MZT2A: variants seen among roughly 807,000 people sequenced by gnomAD.
MZT2A encodes mitotic spindle organizing protein 2A.
MZT2A carries 8 observed loss-of-function variants against 12.4 expected under a neutral mutation model. The ratio of observed to expected loss-of-function variants is 0.64; its 90% confidence interval spans 0.38 to 1.16. The LOEUF is 1.16. MZT2A is among the 50% of genes most tolerant of loss of function. The pLI is 0.01. For synonymous variants in MZT2A, 88 were observed against 107.5 expected, an observed-to-expected ratio of 0.82 and a Z score of 1.12; for missense variants, 181 against 223.6, an observed-to-expected ratio of 0.81 and a Z score of 1.22.
At chr2:131,486,601 A>T (rs1178877169) in intron 2 of MZT2A, 1 of 151,576 alleles carries the variant, frequency 6.6e-6, no homozygotes, top group African/African-American at 2.4e-5. Flanking sequence ...AAGAGCAAAT[A>T]ATGCTTTTTT....
chr2:131,478,099 T>G, intron 2 of MZT2A: 2 of 1,561,258 alleles, frequency 1.3e-6, no homozygotes, highest in African/African-American at 2.7e-5. Context: ...TAGAATATTT[T>G]GCATGCCATA....
chr2:131,472,099 A>G (rs1223736044), exon 3 of MZT2A: 12 of 1,290,540 alleles, frequency 9.3e-6, no homozygotes, highest in Non-Finnish European at 9.1e-6. Context: ...CTGCCACACC[A>G]TGCGGTGCTG....
At chr2:131,487,835 C>T (rs1281383605) in intron 2 of MZT2A, among the ~76,000 whole-genome samples, 1 of 152,178 alleles carries the variant, frequency 6.6e-6, no homozygotes, top group African/African-American at 2.4e-5. Flanking sequence ...GGTGCAGTCA[C>T]AGCTCACTGC....
At chr2:131,492,060 C>G in intron 1 of MZT2A, 36 bp from the exon 2 acceptor site, 2 of 1,558,782 alleles carry the variant, frequency 1.3e-6, no homozygotes, top group East Asian at 4.8e-5. Flanking sequence ...TGAGCCCTCT[C>G]CGCCCGGCGC....
At chr2:131,479,346 C>T, downstream of MZT2A, 1 of 1,614,122 alleles carries the variant, frequency 6.2e-7, no homozygotes, top group South Asian at 1.1e-5. Flanking sequence ...GCTCTTCCAC[C>T]CGGAGCAGCT....
downstream of MZT2A, among the ~76,000 whole-genome samples, chr2:131,483,603 T>C (rs1678931131): frequency 6.6e-6 from 1 of 152,080 alleles, no homozygotes; most frequent in Non-Finnish European, 1.5e-5. Flanking sequence ...TAGGCCCAGC[T>C]ACTTGGGAGG....
chr2:131,477,038 T>TCTTTTC (rs1678698728), intron 2 of MZT2A, among the ~76,000 whole-genome samples: 1 of 141,208 alleles, frequency 7.1e-6, no homozygotes, highest in African/African-American at 2.6e-5. Flanking sequence ...TTTTTCTTTC[T>TCTTTTC]TTTTTTTTTT....
intron 2 of MZT2A, among the ~76,000 whole-genome samples, chr2:131,472,868 T>C (rs1678495385): frequency 6.6e-6 from 1 of 151,854 alleles, no homozygotes; most frequent in Admixed American, 6.6e-5. Context: ...CTGTGCATGA[T>C]GTGGTTGGAG....
intron 2 of MZT2A, chr2:131,478,296 G>A: frequency 5.0e-6 from 8 of 1,614,020 alleles, no homozygotes; most frequent in Non-Finnish European, 6.8e-6. Context: ...TGGTGGCGGG[G>A]ACGACTCCTT....
chr2:131,482,569 G>A, downstream of MZT2A: 3 of 1,607,786 alleles, frequency 1.9e-6, no homozygotes, highest in Non-Finnish European at 2.6e-6. Context: ...TTAACTACCA[G>A]CCCCCCACAG....
At chr2:131,470,114 C>T (rs1573848850) in intron 4 of MZT2A, 5 of 416,156 alleles carry the variant, frequency 1.2e-5, no homozygotes, top group South Asian at 1.0e-4. Flanking sequence ...AAACAGCATC[C>T]TCTTTCTGAG....
chr2:131,475,948 C>A, intron 2 of MZT2A: 4 of 626,226 alleles, frequency 6.4e-6, no homozygotes, highest in South Asian at 6.1e-5. Flanking sequence ...CTTTGATGAC[C>A]CCCGCTGCCT....
chr2:131,490,760 G>GA (rs1679261410), intron 2 of MZT2A: 1 of 1,549,830 alleles, frequency 6.5e-7, no homozygotes, highest in African/African-American at 1.4e-5. Flanking sequence ...GGAACCCGGG[G>GA]GGCCTGGAGA....
chr2:131,476,493 C>A (rs71428587), intron 2 of MZT2A, among the ~76,000 whole-genome samples: 2,276 of 152,270 alleles, frequency 0.015, 37 homozygotes, highest in Middle Eastern at 0.041. Flanking sequence ...GACGGGAGGG[C>A]GCTGCTCCCG....
chr2:131,492,177 G>T (rs2622036), intron 1 of MZT2A, 30 bp downstream of exon 1: 435 of 1,537,840 alleles, frequency 2.8e-4, no homozygotes, highest in African/African-American at 2.6e-3. Flanking sequence ...GGTGTCTGGC[G>T]AGCATGCGGC....
intron 2 of MZT2A, among the ~76,000 whole-genome samples, chr2:131,474,570 T>G (rs1678591068): frequency 1.3e-5 from 2 of 151,662 alleles, no homozygotes; most frequent in Admixed American, 6.6e-5. Context: ...CCACCATGCC[T>G]GGCTAATTTT....
chr2:131,490,607 G>T, intron 2 of MZT2A: 1 of 1,546,590 alleles, frequency 6.5e-7, no homozygotes, highest in Non-Finnish European at 8.7e-7. Flanking sequence ...TGGCCTGCAT[G>T]ATCCTGCCCT....
downstream of MZT2A, chr2:131,480,278 G>T (rs779820681): frequency 6.2e-7 from 1 of 1,613,812 alleles, no homozygotes; most frequent in Non-Finnish European, 8.5e-7. Context: ...ACACGACCCT[G>T]GAACATTCTG....
At chr2:131,493,335 G>A (rs1679426764), upstream of MZT2A, among the ~76,000 whole-genome samples, 2 of 152,324 alleles carry the variant, frequency 1.3e-5, no homozygotes, top group Admixed American at 1.3e-4. Context: ...ATGCCTTTGT[G>A]CCACCTTCCC....
Sources: allele counts gnomAD v4.1 joint callset (sites outside exome capture counted in the v4.1 genomes callset), GRCh38; gene constraint gnomAD v4.1.1; transcripts MANE v1.5; gene names NCBI Gene and HGNC (gene_info 2026-07-23, HGNC 2026-07-21).